Variants in GRAMD1B observed in about 807,000 individuals in gnomAD.
The protein encoded by GRAMD1B is protein Aster-B.
Under a neutral mutation model 99.7 loss-of-function variants are expected in GRAMD1B, and 37 were observed. The observed-to-expected ratio is 0.37, with a 90% confidence interval of 0.29 to 0.49. GRAMD1B has a LOEUF of 0.49. GRAMD1B is among the 20% of genes least tolerant of loss of function. The pLI, the probability that GRAMD1B is intolerant of heterozygous loss-of-function variation, is 0.98. For missense variants in GRAMD1B, 888 were observed against 1,009.2 expected, an observed-to-expected ratio of 0.88 and a Z score of 1.63; for synonymous variants, 427 against 387.6, an observed-to-expected ratio of 1.10 and a Z score of -1.19.
chr11:123,606,669 C>T lies in GRAMD1B; in HGVS notation c.1384C>T (p.Leu462Phe). 2 of 1,613,312 alleles carry T rather than the reference C, an allele frequency of 1.2e-6. No individual in the cohort carries two copies. The highest frequency in any genetic ancestry group is 8.5e-7 in the Non-Finnish European group (1 of 1,179,658). The change falls in exon 11 of 20, where the codon CTC becomes TTC. Residue 462 changes from leucine (L) to phenylalanine (F), a missense_variant. Around this residue, in one of 5 missense-constraint regions of GRAMD1B, gnomAD observed 269 missense variants for 296.6 expected, o/e 0.91. Transcript: ENST00000635736. ...GGGAGACGGGTCCCTGGAAAAGGAG[C>T]TCGCCATTGACAACATCATGGGGGA... ...LEGDGSLEKE[L>F]AIDNIMGEKI...
intron 2 of GRAMD1B, among the ~76,000 whole-genome samples, chr11:123,535,118 T>C (rs549134609): frequency 1.2e-4 from 19 of 152,092 alleles, no homozygotes; most frequent in Admixed American, 3.3e-4. Context: ...CCAAAGAGCA[T>C]GGAGATGCAC....
At position 123,386,840 on chromosome 11, in the gene GRAMD1B, C is replaced by T. The variant is rs77570983; in HGVS notation, c.-176+28041C>T. Among the ~76,000 whole-genome samples the T allele has an allele frequency of 6.6e-3, 1,000 of 152,358 alleles. 18 individuals carry two copies. Among genetic ancestry groups the T allele is most frequent in the African/African-American group, 0.022 (906 of 41,576 alleles). ...AGTAGCCGCAGCTAGGCAGAGCATG[C>T]TCGGCAGATGAACCCCTTTCCTTGG... On this transcript the variant is annotated intron_variant, in intron 1 of 20. Coordinates refer to the GRAMD1B transcript ENST00000638157.
intron 2 of GRAMD1B, among the ~76,000 whole-genome samples, chr11:123,499,439 T>A (rs1267619058): frequency 6.6e-6 from 1 of 152,152 alleles, no homozygotes; most frequent in Non-Finnish European, 1.5e-5. Flanking sequence ...GGACACAACT[T>A]CTGTGTCCCT....
intron 1 of GRAMD1B, among the ~76,000 whole-genome samples, chr11:123,460,763 ACAG>A (rs1950373500): frequency 6.6e-6 from 1 of 152,122 alleles, no homozygotes; most frequent in African/African-American, 2.4e-5. Context: ...TTTCTGGAAA[ACAG>A]CACAGCTTGC....
At chr11:123,370,831 A>G (rs539677011) in intron 1 of GRAMD1B, among the ~76,000 whole-genome samples, 43 of 152,166 alleles carry the variant, frequency 2.8e-4, no homozygotes, top group Non-Finnish European at 4.6e-4. Flanking sequence ...AGCATGCTCT[A>G]TGTGGCATGA....
intron 2 of GRAMD1B, among the ~76,000 whole-genome samples, chr11:123,573,682 T>G (rs960775616): frequency 1.1e-4 from 17 of 152,208 alleles, no homozygotes; most frequent in Non-Finnish European, 2.2e-4. Flanking sequence ...CTTTGCAACT[T>G]CATGGGTTTG....
intron 2 of GRAMD1B, among the ~76,000 whole-genome samples, chr11:123,540,278 C>G (rs1944379197): frequency 1.3e-5 from 2 of 151,748 alleles, no homozygotes; most frequent in Non-Finnish European, 2.9e-5. Context: ...CGGAATTTCA[C>G]TGTGTTGCCC....
intron 1 of GRAMD1B, among the ~76,000 whole-genome samples, chr11:123,382,626 G>A (rs1426046323): frequency 1.3e-5 from 2 of 152,106 alleles, no homozygotes; most frequent in African/African-American, 4.8e-5. Flanking sequence ...TATGTTATGC[G>A]TTTGTGAAAA....
Position 123,626,019 on chromosome 11 carries a change from GTTTC to G in GRAMD1B, c.*3430_*3433del, listed in dbSNP as rs1955498238. ...TATTGCTCAGTATTCACTTAGAAGG[GTTTC>G]TTTCTCTTTGGCCTAGTTTGTGAAG... On this transcript the variant is annotated 3_prime_UTR_variant, in exon 20 of 20. Coordinates refer to ENST00000635736, the MANE Select transcript of GRAMD1B (RefSeq NM_001387025.1). The G allele has an allele frequency of 6.7e-6, 1 of 150,276 alleles. No homozygotes were observed. Among genetic ancestry groups the G allele is most frequent in the Non-Finnish European group, 1.5e-5 (1 of 67,734 alleles). The allele number at this position is 150,276 out of a possible 1,614,324, so 9.3% of individuals were successfully genotyped here.
At chr11:123,452,443 C>G (rs181168035) in intron 1 of GRAMD1B, among the ~76,000 whole-genome samples, 1 of 152,026 alleles carries the variant, frequency 6.6e-6, no homozygotes, top group Non-Finnish European at 1.5e-5. Flanking sequence ...GTCAGGAGTT[C>G]GAGACCAGCC....
At chr11:123,501,730 A>G (rs1297866974) in intron 2 of GRAMD1B, among the ~76,000 whole-genome samples, 1 of 152,240 alleles carries the variant, frequency 6.6e-6, no homozygotes, top group Non-Finnish European at 1.5e-5. Context: ...ATGCTTCTGA[A>G]TGATCTAGTT....
At chr11:123,463,069 C>A (rs558131278) in intron 1 of GRAMD1B, among the ~76,000 whole-genome samples, 1 of 152,208 alleles carries the variant, frequency 6.6e-6, no homozygotes, top group East Asian at 1.9e-4. Context: ...AGTGCGATGG[C>A]GCGATCTCGG....
At chr11:123,404,823 GC>G (rs1947797791) in intron 1 of GRAMD1B, among the ~76,000 whole-genome samples, 1 of 152,242 alleles carries the variant, frequency 6.6e-6, no homozygotes, top group Non-Finnish European at 1.5e-5. Context: ...GCAGCCTGCA[GC>G]TTTTGCAGTG....
At chr11:123,409,535 A>G (rs1380066022) in intron 1 of GRAMD1B, among the ~76,000 whole-genome samples, 1 of 152,036 alleles carries the variant, frequency 6.6e-6, no homozygotes, top group African/African-American at 2.4e-5. Context: ...TGAAGCCCAA[A>G]CAGAAGTTTC....
intron 4 of GRAMD1B, among the ~76,000 whole-genome samples, chr11:123,588,521 G>T (rs1012437810): frequency 2.1e-4 from 32 of 152,194 alleles, no homozygotes; most frequent in African/African-American, 6.8e-4. Context: ...TAAGGATCCA[G>T]AGCCTCCTGG....
chr11:123,407,306 C>T (rs1482368784), intron 1 of GRAMD1B, among the ~76,000 whole-genome samples: 1 of 151,426 alleles, frequency 6.6e-6, no homozygotes, highest in African/African-American at 2.4e-5. Flanking sequence ...AAACCACAGA[C>T]CATTCACTGA....
intron 2 of GRAMD1B, among the ~76,000 whole-genome samples, chr11:123,563,751 C>G (rs1051659254): frequency 6.6e-6 from 1 of 152,054 alleles, no homozygotes; most frequent in Non-Finnish European, 1.5e-5. Context: ...CCAGGCTGGG[C>G]TTTTTCTTTT....
At chr11:123,417,684 C>A (rs1948277240) in intron 1 of GRAMD1B, among the ~76,000 whole-genome samples, 2 of 152,298 alleles carry the variant, frequency 1.3e-5, no homozygotes, top group East Asian at 3.9e-4. Flanking sequence ...TGCCTGTAAT[C>A]CCAGCACTTT....
At position 123,393,808 on chromosome 11, in the gene GRAMD1B, C is replaced by T. The variant is rs149518938; in HGVS notation, c.-176+35009C>T. 1.7e-3 allele frequency among the ~76,000 whole-genome samples: 256 copies of T among 152,286 alleles called. 1 individual carries two copies. Among genetic ancestry groups the T allele is most frequent in the African/African-American group, 5.9e-3 (245 of 41,556 alleles). On this transcript the variant is annotated intron_variant, in intron 1 of 20. Transcript: ENST00000638157. ...GGACTGACTACACAGGCTTGAACAC[C>T]AGAAGGTGGGGTTTGCTGGGGCTGT...
Sources: allele counts gnomAD v4.1 joint callset (sites outside exome capture counted in the v4.1 genomes callset), GRCh38; gene constraint gnomAD v4.1.1; regional missense constraint gnomAD v4.1.1; transcripts MANE v1.5; gene names NCBI Gene and HGNC (gene_info 2026-07-23, HGNC 2026-07-21).